The following RBFOX1 variants were observed in gnomAD, a reference collection of about 807,000 sequenced individuals.
RBFOX1 encodes RNA binding protein fox-1 homolog 1.
Under a neutral mutation model 57.7 loss-of-function variants are expected in RBFOX1, and 8 were observed. The observed-to-expected ratio is 0.14, with a 90% CI of 0.08 to 0.25. RBFOX1 has a LOEUF of 0.25. Among genes scored for constraint, RBFOX1 ranks in the 10% least tolerant of loss-of-function variants. The pLI is 1.00. For missense variants in RBFOX1, 611 were observed against 548.5 expected (o/e 1.11, Z -1.14); for synonymous variants, 326 against 222.4 (o/e 1.47, Z -4.15).
chr16:5,743,698 T>G (rs1464429251), intron 3 of RBFOX1, among the ~76,000 whole-genome samples: 1 of 152,206 alleles, frequency 6.6e-6, no homozygotes, highest in Non-Finnish European at 1.5e-5. Context: ...TAAAACGAGA[T>G]CTGCCTTGTA....
At chr16:7,650,923 T>C (rs1343970723) in intron 11 of RBFOX1, among the ~76,000 whole-genome samples, 1 of 152,148 alleles carries the variant, frequency 6.6e-6, no homozygotes, top group East Asian at 1.9e-4. Flanking sequence ...TTTTATGATA[T>C]TAGGATTTAC....
chr16:7,162,930 C>T, intron 4 of RBFOX1, among the ~76,000 whole-genome samples: 1 of 152,142 alleles, frequency 6.6e-6, no homozygotes, highest in East Asian at 1.9e-4. Flanking sequence ...GGGTTTTCTT[C>T]CCGTTTTGGC....
chr16:7,026,172 A>C (rs930263211), intron 3 of RBFOX1, among the ~76,000 whole-genome samples: 9 of 152,130 alleles, frequency 5.9e-5, no homozygotes, highest in Non-Finnish European at 1.5e-5. Context: ...CTTAAACCCA[A>C]CTTCTTGGGG....
At chr16:7,680,578 A>G (rs1178711423) in intron 14 of RBFOX1, among the ~76,000 whole-genome samples, 1 of 152,148 alleles carries the variant, frequency 6.6e-6, no homozygotes, top group African/African-American at 2.4e-5. Flanking sequence ...CTTCCACATA[A>G]AACATGCATT....
intron 4 of RBFOX1, chr16:7,332,944 C>G: frequency 6.2e-7 from 1 of 1,611,304 alleles, no homozygotes. Flanking sequence ...TATAGATTTC[C>G]CCCTAACTCT....
At chr16:6,520,550 CA>C (rs150042452) in intron 2 of RBFOX1, among the ~76,000 whole-genome samples, 16,444 of 151,822 alleles carry the variant, frequency 0.11, 2,741 homozygotes, top group African/African-American at 0.36. Flanking sequence ...TGTTTATAAG[CA>C]AAAAAACATT....
chr16:6,499,142 A>G (rs1425055163), intron 2 of RBFOX1, among the ~76,000 whole-genome samples: 1 of 152,178 alleles, frequency 6.6e-6, no homozygotes. Context: ...GCCTTTGTTT[A>G]CTGTGGAAGC....
At chr16:5,266,847 C>T (rs1408890293) in intron 1 of RBFOX1, among the ~76,000 whole-genome samples, 1 of 152,058 alleles carries the variant, frequency 6.6e-6, no homozygotes, top group African/African-American at 2.4e-5. Flanking sequence ...GCATGAGCCA[C>T]TGCGCCTGGC....
intron 2 of RBFOX1, among the ~76,000 whole-genome samples, chr16:5,495,397 C>G (rs978846505): frequency 6.6e-6 from 1 of 152,200 alleles, no homozygotes; most frequent in Non-Finnish European, 1.5e-5. Context: ...GGAGAACTTG[C>G]TCACTGTCAT....
At chr16:6,293,978 T>C (rs6500769) in intron 1 of RBFOX1, among the ~76,000 whole-genome samples, 96,878 of 151,842 alleles carry the variant, frequency 0.64, 32,442 homozygotes, top group East Asian at 0.8. Context: ...AAAATAAAGA[T>C]GTAATGTTTG....
At chr16:7,358,601 G>T (rs1596375704) in intron 4 of RBFOX1, among the ~76,000 whole-genome samples, 1 of 152,046 alleles carries the variant, frequency 6.6e-6, no homozygotes. Context: ...TGTATTTTTT[G>T]TAGAGACAGG....
intron 4 of RBFOX1, among the ~76,000 whole-genome samples, chr16:7,087,906 C>T (rs886859527): frequency 4.6e-5 from 7 of 152,230 alleles, no homozygotes; most frequent in African/African-American, 1.4e-4. Context: ...TTCTCTCTCT[C>T]TCTCGCTCTC....
At chr16:7,281,335 G>A (rs996805596) in intron 4 of RBFOX1, among the ~76,000 whole-genome samples, 7 of 151,540 alleles carry the variant, frequency 4.6e-5, no homozygotes, top group African/African-American at 9.7e-5. Flanking sequence ...GCTTCTGCTT[G>A]GGGGGTAGTT....
At chr16:6,057,390 A>G (rs2095627609) in intron 1 of RBFOX1, among the ~76,000 whole-genome samples, 1 of 152,004 alleles carries the variant, frequency 6.6e-6, no homozygotes, top group African/African-American at 2.4e-5. Context: ...CTATTCTAAT[A>G]TCAGACTAAA....
intron 5 of RBFOX1, among the ~76,000 whole-genome samples, chr16:7,551,106 GAAA>G (rs56961445): frequency 7.4e-6 from 1 of 135,462 alleles, no homozygotes; most frequent in Admixed American, 7.6e-5. Flanking sequence ...AAAAAAAAAA[GAAA>G]AAAAAAGAAT....
intron 1 of RBFOX1, among the ~76,000 whole-genome samples, chr16:6,079,776 G>A (rs919699323): frequency 1.3e-5 from 2 of 151,920 alleles, no homozygotes; most frequent in South Asian, 2.1e-4. Flanking sequence ...TTGCAGGCTC[G>A]TTGGAGCTGT....
intron 3 of RBFOX1, among the ~76,000 whole-genome samples, chr16:6,877,623 T>G (rs898810140): frequency 2.6e-5 from 4 of 152,186 alleles, no homozygotes; most frequent in African/African-American, 9.6e-5. Flanking sequence ...CATATTGCTT[T>G]AGAGTTCACA....
chr16:6,318,406 G>C (rs2081364262), intron 2 of RBFOX1, among the ~76,000 whole-genome samples: 1 of 152,178 alleles, frequency 6.6e-6, no homozygotes, highest in Non-Finnish European at 1.5e-5. Flanking sequence ...AATCTATTTA[G>C]TGTAAAGTTA....
intron 3 of RBFOX1, among the ~76,000 whole-genome samples, chr16:6,999,223 T>A (rs1568300315): frequency 1.0e-5 from 1 of 99,688 alleles, no homozygotes; most frequent in Non-Finnish European, 2.3e-5. Context: ...TTTATTTTTT[T>A]TATTTATTTT....
Sources: allele counts gnomAD v4.1 joint callset (sites outside exome capture counted in the v4.1 genomes callset), GRCh38; gene constraint gnomAD v4.1.1; transcripts MANE v1.5; gene names NCBI Gene and HGNC (gene_info 2026-07-23, HGNC 2026-07-21).